The following KDM4D variants were observed in gnomAD, a reference collection of about 807,000 sequenced individuals.
The protein encoded by KDM4D is lysine-specific demethylase 4D.
For synonymous variants in KDM4D, 254 were observed against 249.1 expected, an observed-to-expected ratio of 1.02 and a Z score of -0.19; for missense variants, 427 against 674.8, an observed-to-expected ratio of 0.63 and a Z score of 4.07.
intron 2 of KDM4D, among the ~76,000 whole-genome samples, chr11:94,988,639 G>A (rs1435890414): frequency 6.6e-6 from 1 of 152,208 alleles, no homozygotes; most frequent in Non-Finnish European, 1.5e-5. Flanking sequence ...AGTCTTTGGT[G>A]TCTTTGACCA....
chr11:94,974,432 TAAAC>T (rs777960582), intron 1 of KDM4D, among the ~76,000 whole-genome samples: 1 of 152,338 alleles, frequency 6.6e-6, no homozygotes, highest in Non-Finnish European at 1.5e-5. Flanking sequence ...TAATATTTGT[TAAAC>T]AAATGAAAAT....
chr11:94,975,188 C>T (rs1448243888), intron 1 of KDM4D, among the ~76,000 whole-genome samples: 1 of 152,172 alleles, frequency 6.6e-6, no homozygotes, highest in Non-Finnish European at 1.5e-5. Context: ...TATCACCATC[C>T]TTCATGTCTC....
At chr11:94,993,437 G>C (rs1428607091) in intron 2 of KDM4D, among the ~76,000 whole-genome samples, 1 of 151,256 alleles carries the variant, frequency 6.6e-6, no homozygotes, top group Non-Finnish European at 1.5e-5. Context: ...AACCATTGAA[G>C]ACTCATAGAG....
rs144086807 is a variant in KDM4D at position 94,998,741 on chromosome 11, C to G, written c.1369C>G (p.Pro457Ala). 4.4e-3 allele frequency: 7,138 copies of G among 1,613,868 alleles called. 18 individuals are homozygous for G. The highest frequency in any genetic ancestry group is 5.2e-3 in the Non-Finnish European group (6,190 of 1,179,774). Residue 457 changes from proline (P) to alanine (A), a missense_variant, in exon 3 of 3, where the codon CCT becomes GCT. By Grantham distance (27) the Pro-to-Ala change is conservative. Transcript: ENST00000335080. The surrounding 1 kb of genome is among the most constrained non-coding windows in gnomAD (Gnocchi z 6.7). Reference sequence around the variant, plus strand: ...TGGCAGACGTGGTCGTGGTCGCCCTCCTCAGAAACTGAGAGCTCAGGAGCT... The same window carrying G: ...TGGCAGACGTGGTCGTGGTCGCCCTGCTCAGAAACTGAGAGCTCAGGAGCT... ...SNGRRGRGRP[P>A]QKLRAQELTL...
Position 94,999,068 on chromosome 11 carries a change from C to A in KDM4D, c.*124C>A. 2 of 897,604 alleles carry A rather than the reference C, an allele frequency of 2.2e-6. No individual in the cohort carries two copies. The highest frequency in any genetic ancestry group is 3.1e-6 in the Non-Finnish European group (2 of 641,088). The allele number at this position is 897,604 out of a possible 1,614,324, so 55.6% of individuals were successfully genotyped here. A position where few individuals can be genotyped will look rare whatever the true frequency, so the allele number is the denominator to read the frequency against. Reference sequence around the variant, plus strand: ...TCTAGGCATGCATGAAAGAGCCCCCCTGGTGATGCCCTTGGATGCTGCCAA... The same window carrying A: ...TCTAGGCATGCATGAAAGAGCCCCCATGGTGATGCCCTTGGATGCTGCCAA... On this transcript the variant is annotated 3_prime_UTR_variant, in exon 3 of 3. Transcript: ENST00000335080.
At chr11:94,991,790 CAAAG>C (rs1192285617) in intron 2 of KDM4D, among the ~76,000 whole-genome samples, 5 of 146,488 alleles carry the variant, frequency 3.4e-5, no homozygotes, top group African/African-American at 5.1e-5. Flanking sequence ...TAGAGGAAAT[CAAAG>C]AAAGAACTAA....
At chr11:94,974,740 A>G (rs1857781542) in intron 1 of KDM4D, among the ~76,000 whole-genome samples, 1 of 152,178 alleles carries the variant, frequency 6.6e-6, no homozygotes, top group Admixed American at 6.5e-5. Context: ...GTTCATTTAC[A>G]GGTCTTAACA....
intron 2 of KDM4D, among the ~76,000 whole-genome samples, chr11:94,976,293 C>G (rs1320377519): frequency 6.6e-6 from 1 of 152,096 alleles, no homozygotes; most frequent in Non-Finnish European, 1.5e-5. Flanking sequence ...TCCCACATTC[C>G]CCTTTCTTCA....
At chr11:94,975,285 C>T (rs1206485571) in intron 1 of KDM4D, among the ~76,000 whole-genome samples, 1 of 152,160 alleles carries the variant, frequency 6.6e-6, no homozygotes, top group South Asian at 2.1e-4. Context: ...TTTTTCATAC[C>T]ACTAAACATT....
chr11:94,996,772 A>C (rs1857978897), intron 2 of KDM4D, among the ~76,000 whole-genome samples: 1 of 152,226 alleles, frequency 6.6e-6, no homozygotes, highest in Non-Finnish European at 1.5e-5. Flanking sequence ...TGGATCACAG[A>C]ACATATGTAT....
intron 2 of KDM4D, among the ~76,000 whole-genome samples, chr11:94,987,288 T>C (rs1590966943): frequency 6.6e-6 from 1 of 152,198 alleles, no homozygotes; most frequent in Admixed American, 6.5e-5. Context: ...ACACTTAAAA[T>C]TGATGAATTT....
chr11:94,976,815 C>G (rs1590963476), intron 2 of KDM4D, among the ~76,000 whole-genome samples: 1 of 151,894 alleles, frequency 6.6e-6, no homozygotes, highest in South Asian at 2.1e-4. Flanking sequence ...AAAATAGAAA[C>G]CATAAAAACC....
At chr11:94,985,345 C>T (rs1264915841) in intron 2 of KDM4D, among the ~76,000 whole-genome samples, 1 of 152,004 alleles carries the variant, frequency 6.6e-6, no homozygotes, top group Non-Finnish European at 1.5e-5. Flanking sequence ...AAAACAGTTC[C>T]ATTCACAATA....
Position 94,998,596 on chromosome 11 carries a change from A to G in KDM4D, c.1224A>G (p.Arg408=). ...TTGTGTGCTCTTCACTCCCACGCCGATCTGCAGTTAGTGGCACTGCTACGC... is the reference window on the plus strand; with the variant it reads ...TTGTGTGCTCTTCACTCCCACGCCGGTCTGCAGTTAGTGGCACTGCTACGC... ...HTLVCSSLPR[R]SAVSGTATQP... The change falls in exon 3 of 3, where the codon CGA becomes CGG. Residue 408 remains arginine, a synonymous_variant. Coordinates refer to ENST00000335080, the MANE Select transcript of KDM4D (RefSeq NM_018039.3). The surrounding 1 kb of genome is among the most constrained non-coding windows in gnomAD (Gnocchi z 6.7). 1.2e-6 allele frequency: 2 copies of G among 1,614,046 alleles called. No homozygotes were observed. The highest frequency in any genetic ancestry group is 1.7e-6 in the Non-Finnish European group (2 of 1,180,042).
chr11:94,986,067 A>G (rs587628551), intron 2 of KDM4D, among the ~76,000 whole-genome samples: 87 of 152,360 alleles, frequency 5.7e-4, no homozygotes, highest in Middle Eastern at 3.4e-3. Flanking sequence ...TCAAAATTCA[A>G]TTCTTGTGCA....
intron 2 of KDM4D, among the ~76,000 whole-genome samples, chr11:94,994,183 C>A (rs1425296058): frequency 6.6e-6 from 1 of 152,128 alleles, no homozygotes; most frequent in Non-Finnish European, 1.5e-5. Context: ...GACCATATGT[C>A]TGGGAAAAGG....
At chr11:94,984,461 G>C (rs1328088212) in intron 2 of KDM4D, among the ~76,000 whole-genome samples, 1 of 152,020 alleles carries the variant, frequency 6.6e-6, no homozygotes, top group African/African-American at 2.4e-5. Context: ...CACCACTGCA[G>C]TCCACCCTGG....
At chr11:94,989,754 T>TTC (rs782014764) in intron 2 of KDM4D, among the ~76,000 whole-genome samples, 140 of 145,486 alleles carry the variant, frequency 9.6e-4, no homozygotes, top group Non-Finnish European at 8.6e-4. Flanking sequence ...CTCTCTTTCT[T>TTC]TTTTTTTTTT....
In KDM4D at chr11:94,997,212, G is replaced by C. The variant is rs116860989; in HGVS notation, c.-161G>C. 7.7e-6 allele frequency: 4 copies of C among 521,420 alleles called. No individual in the cohort carries two copies. The highest frequency in any genetic ancestry group is 6.3e-5 in the African/African-American group (3 of 47,344). 32.3% of individuals were successfully genotyped at this position (521,420 alleles called of 1,614,324 possible). On this transcript the variant is annotated 5_prime_UTR_variant, in exon 3 of 3. Coordinates refer to ENST00000335080, the MANE Select transcript of KDM4D (RefSeq NM_018039.3). Reference sequence around the variant, plus strand: ...TGGAATCTCACTAGTGAATAAACAAGCCCAAGAAAGATTATCATCTCATTT... The same window carrying C: ...TGGAATCTCACTAGTGAATAAACAACCCCAAGAAAGATTATCATCTCATTT...
Sources: gnomAD v4.1 joint callset for allele counts (sites outside exome capture counted in the v4.1 genomes callset) on GRCh38, gnomAD v4.1.1 for gene constraint, Gnocchi (gnomAD v3.1) non-coding constraint, MANE v1.5 for transcripts, NCBI Gene and HGNC (gene_info 2026-07-23, HGNC 2026-07-21) for gene names.